Variants in ZBTB46 observed in about 807,000 individuals in gnomAD.
ZBTB46 encodes zinc finger and BTB domain containing 46.
Under a neutral mutation model 44.1 loss-of-function variants are expected in ZBTB46, and 8 were observed. That is an observed-to-expected ratio of 0.18 (90% CI 0.11 to 0.33). ZBTB46 has a LOEUF of 0.33. ZBTB46 is among the 10% of genes least tolerant of loss of function. ZBTB46 has a pLI of 1.00. For missense variants in ZBTB46, 651 were observed against 847.7 expected, an observed-to-expected ratio of 0.77 and a Z score of 2.88; for synonymous variants, 409 against 382.3, an observed-to-expected ratio of 1.07 and a Z score of -0.81.
At chr20:63,774,766 C>T (rs1472259872) in intron 3 of ZBTB46, among the ~76,000 whole-genome samples, 2 of 149,436 alleles carry the variant, frequency 1.3e-5, no homozygotes, top group East Asian at 4.0e-4. Flanking sequence ...TGCAGTGGCG[C>T]GATCTCGGCT....
At position 63,746,423 on chromosome 20, in the gene ZBTB46, G is replaced by A. The variant is rs917980410; in HGVS notation, c.*507C>T. ...GATTCTACAGGCTGCCATGGGCCACGGCTGCACCACGGGCCACGGCTGCAG... is the reference window on the plus strand; with the variant it reads ...GATTCTACAGGCTGCCATGGGCCACAGCTGCACCACGGGCCACGGCTGCAG... On this transcript the variant is annotated 3_prime_UTR_variant, in exon 5 of 5. Coordinates refer to ENST00000245663, the MANE Select transcript of ZBTB46 (RefSeq NM_001369741.1). 9 of 155,316 alleles carry A rather than the reference G, an allele frequency of 5.8e-5. No individual in the cohort carries two copies. Among genetic ancestry groups the A allele is most frequent in the Admixed American group, 2.6e-4 (4 of 15,360 alleles). 9.6% of individuals were successfully genotyped at this position (155,316 alleles called of 1,614,324 possible).
chr20:63,808,595 G>A lies in ZBTB46; in HGVS notation c.-33-17805C>T, dbSNP rs549130583. Among the ~76,000 whole-genome samples, 33 of 152,314 alleles carry A rather than the reference G, an allele frequency of 2.2e-4. 1 individual carries two copies. The East Asian group carries it at 6.4e-3, about 29-fold the overall frequency. ...TCCCCATGAGACCTGAGCTCCTCCA[G>A]CGTGGGTGGGAGGCGGACAGAGCCT... On this transcript the variant is annotated intron_variant, in intron 1 of 4. Coordinates refer to ENST00000245663, the MANE Select transcript of ZBTB46 (RefSeq NM_001369741.1).
chr20:63,831,084 C>G lies in ZBTB46; in HGVS notation c.-34+13G>C, dbSNP rs1384291819. ...CCGCCCGGCCGCGCGGACAATGAGC[C>G]GGCGCCGCTTACCTGTGACCCCATG... On this transcript the variant is annotated intron_variant, in intron 1 of 4. Transcript: ENST00000245663. 2.1e-5 allele frequency: 3 copies of G among 140,930 alleles called. No individual in the cohort carries two copies. The highest frequency in any genetic ancestry group is 4.7e-5 in the Non-Finnish European group (3 of 63,882). The allele number at this position is 140,930 out of a possible 1,614,324, so 8.7% of individuals were successfully genotyped here.
At chr20:63,758,513 C>T (rs781111105) in intron 3 of ZBTB46, among the ~76,000 whole-genome samples, 2 of 140,752 alleles carry the variant, frequency 1.4e-5, no homozygotes, top group Non-Finnish European at 3.0e-5. Context: ...TAACAAACTT[C>T]TTCCCTTTAT....
At chr20:63,833,366 C>T (rs1264096449), upstream of ZBTB46, among the ~76,000 whole-genome samples, 2 of 152,150 alleles carry the variant, frequency 1.3e-5, no homozygotes, top group African/African-American at 2.4e-5. Context: ...CCGAGGCAGG[C>T]GGATCACGAG....
chr20:63,753,615 A>T (rs1568830544), intron 3 of ZBTB46, among the ~76,000 whole-genome samples: 2 of 152,332 alleles, frequency 1.3e-5, no homozygotes, highest in Non-Finnish European at 2.9e-5. Context: ...AGCCACGTCC[A>T]CGGGACCCTA....
intron 4 of ZBTB46, among the ~76,000 whole-genome samples, chr20:63,748,133 A>G (rs557233159): frequency 6.6e-6 from 1 of 152,030 alleles, no homozygotes; most frequent in African/African-American, 2.4e-5. Context: ...CAACTCCCCC[A>G]CTCTCAGGCT....
rs187441487 is a variant in ZBTB46, at chr20:63,758,770, C to T, written c.1223-5909G>A. Among the ~76,000 whole-genome samples the T allele has an allele frequency of 1.9e-4, 28 of 150,010 alleles. No individual in the cohort carries two copies. In the East Asian group the frequency reaches 4.9e-3, roughly 26 times the overall value. ...TTTTTTTGAGACAGAGTCTTGCTGTCGCCCAGGCTGGAGTGCAGTGGTGCG... is the reference window on the plus strand; with the variant it reads ...TTTTTTTGAGACAGAGTCTTGCTGTTGCCCAGGCTGGAGTGCAGTGGTGCG... On this transcript the variant is annotated intron_variant, in intron 3 of 4. Coordinates refer to ENST00000245663, the MANE Select transcript of ZBTB46 (RefSeq NM_001369741.1).
chr20:63,765,247 C>T (rs983115473), intron 3 of ZBTB46, among the ~76,000 whole-genome samples: 5 of 151,998 alleles, frequency 3.3e-5, no homozygotes, highest in African/African-American at 9.7e-5. Context: ...CTGGCTGCCC[C>T]GAAGGACAAT....
chr20:63,807,648 A>G (rs532177856), intron 1 of ZBTB46, among the ~76,000 whole-genome samples: 248 of 152,322 alleles, frequency 1.6e-3, no homozygotes, highest in African/African-American at 5.8e-3. Flanking sequence ...CCCGGCCTTC[A>G]GCTACTCCAT....
At chr20:63,831,814 C>T (rs533587572), upstream of ZBTB46, among the ~76,000 whole-genome samples, 2 of 151,594 alleles carry the variant, frequency 1.3e-5, no homozygotes, top group South Asian at 2.1e-4. Context: ...GCACTGCGCG[C>T]GTCTCGCAAA....
chr20:63,772,759 A>C (rs1323833054), intron 3 of ZBTB46, among the ~76,000 whole-genome samples: 7 of 44,788 alleles, frequency 1.6e-4, no homozygotes, highest in Non-Finnish European at 2.4e-4. Flanking sequence ...ACACACACAC[A>C]CACACACAGA....
At chr20:63,784,518 G>A (rs1174720220) in intron 2 of ZBTB46, among the ~76,000 whole-genome samples, 1 of 152,222 alleles carries the variant, frequency 6.6e-6, no homozygotes, top group East Asian at 1.9e-4. Context: ...TTTAGTTGGG[G>A]CACCTGGGCT....
chr20:63,817,568 TAGTC>T (rs1290135483), intron 1 of ZBTB46, among the ~76,000 whole-genome samples: 4 of 150,452 alleles, frequency 2.7e-5, no homozygotes, highest in Non-Finnish European at 4.4e-5. Context: ...TACAAAAAAT[TAGTC>T]AGGCGTGGTG....
intron 1 of ZBTB46, among the ~76,000 whole-genome samples, chr20:63,794,431 G>A (rs771291244): frequency 7.2e-5 from 11 of 151,932 alleles, no homozygotes; most frequent in South Asian, 2.1e-4. Context: ...GGGCTCAAGC[G>A]ATCTTCCCAC....
At chr20:63,798,397 G>A (rs1054645258) in intron 1 of ZBTB46, among the ~76,000 whole-genome samples, 25 of 151,904 alleles carry the variant, frequency 1.6e-4, no homozygotes, top group East Asian at 1.4e-3. Context: ...GGCGTTGGCC[G>A]CGCGTGGTGG....
intron 3 of ZBTB46, among the ~76,000 whole-genome samples, chr20:63,774,689 G>GTTTT (rs1292458776): frequency 2.3e-5 from 1 of 44,138 alleles, no homozygotes; most frequent in Non-Finnish European, 4.7e-5. Context: ...GCTGCGGTGG[G>GTTTT]TTTTTTTTGT....
upstream of ZBTB46, among the ~76,000 whole-genome samples, chr20:63,831,877 G>A (rs1033714262): frequency 6.6e-6 from 1 of 151,750 alleles, no homozygotes; most frequent in Non-Finnish European, 1.5e-5. Flanking sequence ...CTCGCGGTGC[G>A]GAAAAGGCGC....
intron 3 of ZBTB46, among the ~76,000 whole-genome samples, chr20:63,761,625 T>C (rs2092278196): frequency 6.6e-6 from 1 of 151,946 alleles, no homozygotes; most frequent in East Asian, 1.9e-4. Flanking sequence ...CTACTAAAAA[T>C]ACAAAAATTA....
Sources: allele counts gnomAD v4.1 joint callset (sites outside exome capture counted in the v4.1 genomes callset), GRCh38; gene constraint gnomAD v4.1.1; transcripts MANE v1.5; gene names NCBI Gene and HGNC (gene_info 2026-07-23, HGNC 2026-07-21).